Variants in AMMECR1 observed in about 807,000 individuals in gnomAD.
AMMECR1 encodes the protein nuclear protein AMMECR1.
Under a neutral mutation model 22.5 loss-of-function variants are expected in AMMECR1, and 3 were observed. That is an observed-to-expected ratio of 0.13 (90% CI 0.06 to 0.35). AMMECR1 has a LOEUF of 0.35. Ranked by LOEUF, AMMECR1 falls within the 10% of genes least tolerant of loss-of-function variation. The pLI is 1.00. For synonymous variants in AMMECR1, 130 were observed against 116.7 expected, an observed-to-expected ratio of 1.11 and a Z score of -0.74; for missense variants, 235 against 278.7, an observed-to-expected ratio of 0.84 and a Z score of 1.12.
At chrX:110,361,871 C>T (rs1481869026) in intron 2 of AMMECR1, among the ~76,000 whole-genome samples, 1 of 112,128 alleles carries the variant, frequency 8.9e-6, no homozygotes, top group African/African-American at 3.2e-5. Context: ...AACACAACTA[C>T]CTACCTCTAT....
At chrX:110,321,354 T>TAAAAA (rs750944455), upstream of AMMECR1, among the ~76,000 whole-genome samples, 1 of 102,673 alleles carries the variant, frequency 9.7e-6, no homozygotes, top group Non-Finnish European at 2.0e-5. Context: ...AGATTCCACT[T>TAAAAA]AAAAAAAAAA....
In AMMECR1 at chrX:110,420,032, G is replaced by A. The variant is rs139744829; in HGVS notation, c.-148+6626C>T. Among the ~76,000 whole-genome samples, 834 of 111,477 alleles carry A rather than the reference G, an allele frequency of 7.5e-3. 12 individuals are homozygous for A. The highest frequency in any genetic ancestry group is 0.026 in the African/African-American group (805 of 30,617). On this transcript the variant is annotated intron_variant, in intron 2 of 7. Transcript: ENST00000372057. ...AAAAGTGCCCAAGGTCACACAGCTA[G>A]CAAGAGACAGAACCAAAAGTTGAAC... is the stretch of plus-strand genomic sequence containing the variant.
chrX:110,306,771 T>C (rs915732370), intron 1 of AMMECR1: 5 of 111,987 alleles, frequency 4.5e-5, no homozygotes, highest in African/African-American at 1.6e-4. Context: ...CTAGTAAGTT[T>C]ATAAGGTTAA....
At chrX:110,232,987 G>A (rs927083560) in intron 2 of AMMECR1, among the ~76,000 whole-genome samples, 1 of 103,659 alleles carries the variant, frequency 9.6e-6, no homozygotes, top group Non-Finnish European at 2.0e-5. Context: ...GATCAGAGCA[G>A]AACTGAAAGA....
chrX:110,318,906 C>A (rs183256727), upstream of AMMECR1, among the ~76,000 whole-genome samples: 223 of 112,382 alleles, frequency 2.0e-3, no homozygotes, highest in South Asian at 0.015. Flanking sequence ...ACTAATACTT[C>A]ACTGGTTCAA....
chrX:110,302,610 C>T (rs758726794), intron 1 of AMMECR1, among the ~76,000 whole-genome samples: 2 of 111,579 alleles, frequency 1.8e-5, no homozygotes, highest in East Asian at 5.6e-4. Flanking sequence ...CGGTGACTCA[C>T]GACTGTAATC....
chrX:110,201,598 C>A (rs2067397422), intron 4 of AMMECR1, among the ~76,000 whole-genome samples: 1 of 111,617 alleles, frequency 9.0e-6, no homozygotes, highest in Admixed American at 9.5e-5. Context: ...GTATGCTTTA[C>A]AAAGTTAATG....
chrX:110,317,715 C>A lies in AMMECR1; in HGVS notation c.357G>T (p.Pro119=). 1 of 1,203,695 alleles carries A rather than the reference C, an allele frequency of 8.3e-7. No individual in the cohort carries two copies. The highest frequency in any genetic ancestry group is 3.0e-5 in the East Asian group (1 of 33,513). The change falls in exon 1 of 6, where the codon CCG becomes CCT. Residue 119 remains proline (P), a synonymous_variant. Transcript: ENST00000262844. ...SSSSAASSSS[P]GSRKMVVSAE... is the part of the protein sequence containing the mutation. ...CTGACACCACCATCTTCCGGGAGCC[C>A]GGCGATGAGGACGAGGCGGCGGACG...
At chrX:110,422,795 A>G (rs181862189) in intron 2 of AMMECR1, among the ~76,000 whole-genome samples, 4 of 111,668 alleles carry the variant, frequency 3.6e-5, no homozygotes, top group East Asian at 2.8e-4. Flanking sequence ...AAGAAAAGAG[A>G]TCTTCCCCAA....
chrX:110,338,383 G>A (rs1178670242), intron 2 of AMMECR1, among the ~76,000 whole-genome samples: 2 of 111,800 alleles, frequency 1.8e-5, no homozygotes, highest in Admixed American at 9.5e-5. Flanking sequence ...ACAATGAGTG[G>A]ACAGACAAGA....
At chrX:110,412,628 C>T (rs1297894590) in intron 2 of AMMECR1, among the ~76,000 whole-genome samples, 1 of 112,288 alleles carries the variant, frequency 8.9e-6, no homozygotes, top group Admixed American at 9.4e-5. Context: ...GGACCTGGCA[C>T]AGAGCATTTA....
chrX:110,240,408 G>A lies in AMMECR1; in HGVS notation c.585-23776C>T, dbSNP rs1377628922. ...CAAAAAAAAAAAAACAAAAACGGGG[G>A]GGGGAGGGTTTGCAATCCTAGTCTC... On this transcript the variant is annotated intron_variant, in intron 2 of 5. Coordinates refer to ENST00000262844, the MANE Select transcript of AMMECR1 (RefSeq NM_015365.3). Among the ~76,000 whole-genome samples the A allele has an allele frequency of 4.4e-5, 4 of 91,208 alleles. No individual in the cohort carries two copies. In the East Asian group the frequency reaches 1.2e-3, roughly 27 times the overall value. The allele number at this position is 91,208 out of a possible 115,157, so 79.2% of individuals were successfully genotyped here. A position where few individuals can be genotyped will look rare whatever the true frequency, so the allele number is the denominator to read the frequency against.
chrX:110,220,152 G>A (rs1240071429), intron 2 of AMMECR1, among the ~76,000 whole-genome samples: 3 of 112,046 alleles, frequency 2.7e-5, no homozygotes, highest in Non-Finnish European at 5.7e-5. Context: ...TACTCAAGGT[G>A]ACTCAGCTAA....
At chrX:110,337,983 T>C (rs945821280) in intron 2 of AMMECR1, among the ~76,000 whole-genome samples, 1 of 112,190 alleles carries the variant, frequency 8.9e-6, no homozygotes, top group Non-Finnish European at 1.9e-5. Flanking sequence ...AAATACTGTA[T>C]GATTCTACCT....
intron 1 of AMMECR1, among the ~76,000 whole-genome samples, chrX:110,295,139 T>C (rs1045613797): frequency 1.8e-5 from 2 of 111,392 alleles, no homozygotes; most frequent in East Asian, 2.8e-4. Flanking sequence ...TTCTGGGCAA[T>C]AGATGTACAC....
intron 2 of AMMECR1, among the ~76,000 whole-genome samples, chrX:110,358,036 C>A (rs1231294142): frequency 1.8e-5 from 2 of 111,476 alleles, no homozygotes; most frequent in East Asian, 2.8e-4. Flanking sequence ...AAAAAAAATT[C>A]TTTGCCATTT....
rs1365941609 is a variant in AMMECR1, at chrX:110,201,053, G to T, written c.791-3C>A. 1 of 1,115,235 alleles carries T rather than the reference G, an allele frequency of 9.0e-7. No individual in the cohort carries two copies. The highest frequency in any genetic ancestry group is 2.3e-5 in the Admixed American group (1 of 44,160). 91.9% of individuals were successfully genotyped at this position (1,115,235 alleles called of 1,213,427 possible). On this transcript the variant is annotated splice_polypyrimidine_tract_variant and splice_region_variant and intron_variant, in intron 4 of 5. Transcript: ENST00000262844. ...TATGGTCTGTATATGGTCCCATCCT[G>T]TAGAGAGATGACCAGATAAAATATC...
chrX:110,338,318 C>A (rs1398721016), intron 2 of AMMECR1, among the ~76,000 whole-genome samples: 4 of 112,303 alleles, frequency 3.6e-5, no homozygotes, highest in Non-Finnish European at 7.5e-5. Flanking sequence ...GAAGAGTGAT[C>A]TTTAAACACA....
chrX:110,225,913 C>T (rs1243658860), intron 2 of AMMECR1, among the ~76,000 whole-genome samples: 1 of 111,952 alleles, frequency 8.9e-6, no homozygotes, highest in Non-Finnish European at 1.9e-5. Flanking sequence ...CAGTGACTCT[C>T]CAACATGGAC....
Sources: allele counts gnomAD v4.1 joint callset (sites outside exome capture counted in the v4.1 genomes callset), GRCh38; gene constraint gnomAD v4.1.1; transcripts MANE v1.5; gene names NCBI Gene and HGNC (gene_info 2026-07-23, HGNC 2026-07-21).